The following EFNA5 variants were observed in gnomAD, a reference collection of about 807,000 sequenced individuals.
The protein encoded by EFNA5 is ephrin-A5.
A neutral mutation model predicts 22.9 loss-of-function variants in EFNA5; 5 were observed. That is an observed-to-expected ratio of 0.22 (90% CI 0.11 to 0.46). The LOEUF (loss-of-function observed/expected upper bound fraction) is 0.46, where lower values mean the gene tolerates loss of function less well. EFNA5 is among the 20% of genes least tolerant of loss of function. EFNA5 has a pLI of 0.99. For missense variants in EFNA5, 237 were observed against 293.3 expected (o/e 0.81, Z 1.40); for synonymous variants, 113 against 112.2 (o/e 1.01, Z -0.04).
chr5:107,393,132 T>C (rs1007776562), intron 2 of EFNA5, among the ~76,000 whole-genome samples: 3 of 152,218 alleles, frequency 2.0e-5, no homozygotes, highest in African/African-American at 4.8e-5. Flanking sequence ...TTAAGGAGAA[T>C]GCCTTTCTTC....
chr5:107,566,817 A>T (rs1183909953), intron 1 of EFNA5, among the ~76,000 whole-genome samples: 1 of 152,264 alleles, frequency 6.6e-6, no homozygotes, highest in Non-Finnish European at 1.5e-5. Context: ...GTACTAAAGA[A>T]CAGAATATTG....
chr5:107,567,067 GT>G (rs1748679028), intron 1 of EFNA5, among the ~76,000 whole-genome samples: 1 of 152,114 alleles, frequency 6.6e-6, no homozygotes, highest in African/African-American at 2.4e-5. Flanking sequence ...TTTAAAAAAT[GT>G]TTCAAAGAAA....
At chr5:107,661,723 T>C (rs978403146) in intron 1 of EFNA5, among the ~76,000 whole-genome samples, 1 of 152,200 alleles carries the variant, frequency 6.6e-6, no homozygotes, top group African/African-American at 2.4e-5. Context: ...CTATTAAAAA[T>C]GTAAGCACGT....
chr5:107,416,444 C>A (rs1748507323), intron 2 of EFNA5, among the ~76,000 whole-genome samples: 1 of 152,180 alleles, frequency 6.6e-6, no homozygotes, highest in Non-Finnish European at 1.5e-5. Context: ...AGGCAAGTCA[C>A]TTAACCTCTC....
At chr5:107,582,448 A>G (rs796504762) in intron 1 of EFNA5, among the ~76,000 whole-genome samples, 1 of 152,184 alleles carries the variant, frequency 6.6e-6, no homozygotes, top group Non-Finnish European at 1.5e-5. Context: ...AGAACACAAT[A>G]TGGACCTCCT....
intron 2 of EFNA5, among the ~76,000 whole-genome samples, chr5:107,404,906 C>T (rs1369567489): frequency 6.6e-6 from 1 of 152,224 alleles, no homozygotes; most frequent in Non-Finnish European, 1.5e-5. Context: ...CCCGCAGAGA[C>T]ATGCCCTATG....
intron 1 of EFNA5, among the ~76,000 whole-genome samples, chr5:107,666,945 T>C (rs895162655): frequency 8.5e-5 from 13 of 152,140 alleles, no homozygotes; most frequent in Non-Finnish European, 1.8e-4. Flanking sequence ...CTTTTATTAC[T>C]GGAAGTCTTT....
intron 4 of EFNA5, among the ~76,000 whole-genome samples, chr5:107,381,707 T>G (rs1392228811): frequency 6.6e-6 from 1 of 152,136 alleles, no homozygotes; most frequent in Non-Finnish European, 1.5e-5. Context: ...TGAATGTACC[T>G]TTGAAACCTA....
chr5:107,428,553 CTGTTA>C (rs1748864474), intron 1 of EFNA5, among the ~76,000 whole-genome samples: 1 of 152,210 alleles, frequency 6.6e-6, no homozygotes, highest in African/African-American at 2.4e-5. Context: ...GAAACAGGAA[CTGTTA>C]TGCATACAAC....
chr5:107,635,698 AACAG>A (rs1006751211), intron 1 of EFNA5, among the ~76,000 whole-genome samples: 1 of 152,234 alleles, frequency 6.6e-6, no homozygotes, highest in Non-Finnish European at 1.5e-5. Flanking sequence ...AGCCTTAGGT[AACAG>A]ACAGCCTCAC....
At chr5:107,461,094 C>T (rs1181289242) in intron 1 of EFNA5, among the ~76,000 whole-genome samples, 2 of 152,096 alleles carry the variant, frequency 1.3e-5, no homozygotes, top group African/African-American at 4.8e-5. Flanking sequence ...ACCACATGCA[C>T]ATTTAAGTAA....
chr5:107,409,033 T>C (rs1240876194), intron 2 of EFNA5, among the ~76,000 whole-genome samples: 1 of 152,212 alleles, frequency 6.6e-6, no homozygotes, highest in African/African-American at 2.4e-5. Flanking sequence ...CACATCAAGC[T>C]TGAACACAAA....
intron 1 of EFNA5, among the ~76,000 whole-genome samples, chr5:107,535,593 A>G (rs1299716081): frequency 6.6e-6 from 1 of 152,162 alleles, no homozygotes; most frequent in African/African-American, 2.4e-5. Context: ...AACAGAAACT[A>G]TATATTCTTA....
chr5:107,557,745 A>C (rs1456504482), intron 1 of EFNA5, among the ~76,000 whole-genome samples: 1 of 152,232 alleles, frequency 6.6e-6, no homozygotes, highest in African/African-American at 2.4e-5. Context: ...TTTAGAGACA[A>C]AATAGCTTGT....
intron 1 of EFNA5, among the ~76,000 whole-genome samples, chr5:107,554,743 C>T (rs1376427795): frequency 1.3e-5 from 2 of 152,108 alleles, no homozygotes; most frequent in African/African-American, 2.4e-5. Context: ...AGTAATAACC[C>T]TATGGATTAG....
intron 1 of EFNA5, among the ~76,000 whole-genome samples, chr5:107,488,441 G>A (rs1311516332): frequency 1.3e-5 from 2 of 152,192 alleles, no homozygotes; most frequent in African/African-American, 2.4e-5. Context: ...TCTGCTTTGG[G>A]TTTCCCAGAT....
In EFNA5 at chr5:107,670,664, G is replaced by A. The variant is rs758128708; in HGVS notation, c.-51C>T. The A allele has an allele frequency of 7.6e-6, 12 of 1,579,946 alleles. No individual in the cohort carries two copies. The East Asian group carries it at 2.1e-4, about 28-fold the overall frequency. ...CGACGCGCCACTCCGGGGAGAGAGC[G>A]GGGATCCGGAGGGAGGGAGGCAGGC... On this transcript the variant is annotated 5_prime_UTR_variant, in exon 1 of 5. Transcript: ENST00000333274.
At chr5:107,561,279 A>C (rs1748535785) in intron 1 of EFNA5, among the ~76,000 whole-genome samples, 1 of 152,206 alleles carries the variant, frequency 6.6e-6, no homozygotes, top group African/African-American at 2.4e-5. Context: ...AATTTATAAA[A>C]TTCAAAATAA....
At chr5:107,596,056 T>C (rs1749467305) in intron 1 of EFNA5, among the ~76,000 whole-genome samples, 1 of 152,106 alleles carries the variant, frequency 6.6e-6, no homozygotes, top group African/African-American at 2.4e-5. Flanking sequence ...AAAAATAAAA[T>C]TCAATGGGAA....
Sources: allele counts gnomAD v4.1 joint callset (sites outside exome capture counted in the v4.1 genomes callset), GRCh38; gene constraint gnomAD v4.1.1; transcripts MANE v1.5; gene names NCBI Gene and HGNC (gene_info 2026-07-23, HGNC 2026-07-21).